The following DNAI4 variants were observed in gnomAD, a reference collection of about 807,000 sequenced individuals.
DNAI4 encodes dynein axonemal intermediate chain 4.
A neutral mutation model predicts 105.8 loss-of-function variants in DNAI4; 85 were observed. That is an observed-to-expected ratio of 0.80 (90% CI 0.67 to 0.96). The LOEUF is 0.96. DNAI4 is among the 40% of genes least tolerant of loss of function. The pLI, the probability that DNAI4 is intolerant of heterozygous loss-of-function variation, is 0.00. For missense variants in DNAI4, 1,014 were observed against 1,005.6 expected, an observed-to-expected ratio of 1.01 and a Z score of -0.11; for synonymous variants, 352 against 331.5, an observed-to-expected ratio of 1.06 and a Z score of -0.67.
At chr1:66,854,076 A>G (rs142247609) in intron 7 of DNAI4, among the ~76,000 whole-genome samples, 3 of 152,322 alleles carry the variant, frequency 2.0e-5, no homozygotes, top group Non-Finnish European at 4.4e-5. Context: ...TACTACCAAT[A>G]AACAGGTGGA....
intron 2 of DNAI4, among the ~76,000 whole-genome samples, chr1:66,894,345 T>C (rs1345137147): frequency 2.0e-5 from 3 of 152,276 alleles, no homozygotes; most frequent in South Asian, 4.1e-4. Context: ...AGGGGGAGAA[T>C]TTCCTATTCA....
At chr1:66,818,333 T>C (rs1339052403) in intron 16 of DNAI4, among the ~76,000 whole-genome samples, 1 of 152,008 alleles carries the variant, frequency 6.6e-6, no homozygotes, top group Non-Finnish European at 1.5e-5. Context: ...TATCTGAGAC[T>C]TGTTTGTCCA....
At chr1:66,913,033 C>T (rs984392994) in intron 1 of DNAI4, among the ~76,000 whole-genome samples, 1 of 152,102 alleles carries the variant, frequency 6.6e-6, no homozygotes, top group Non-Finnish European at 1.5e-5. Flanking sequence ...GCTTCCGTGA[C>T]GATGGAAGGC....
intron 10 of DNAI4, among the ~76,000 whole-genome samples, chr1:66,836,208 G>GAAAGAAAGAAAGAAAGAAAGAA (rs1409438113): frequency 1.7e-4 from 8 of 46,834 alleles, no homozygotes; most frequent in East Asian, 7.8e-4. Flanking sequence ...AAGAAAGAAA[G>GAAAGAAAGAAAGAAAGAAAGAA]AGAGAGAGAG....
chr1:66,907,721 G>T (rs1039217139), intron 1 of DNAI4, among the ~76,000 whole-genome samples: 3 of 152,122 alleles, frequency 2.0e-5, no homozygotes, highest in African/African-American at 7.2e-5. Context: ...ATCCATGAAG[G>T]TAATCCTTCA....
chr1:66,859,675 C>T (rs1282113956), intron 7 of DNAI4, among the ~76,000 whole-genome samples: 4 of 152,018 alleles, frequency 2.6e-5, no homozygotes, highest in South Asian at 2.1e-4. Flanking sequence ...AAGTGCATAT[C>T]GTTTAGTAAA....
chr1:66,836,270 AAGAAAG>A (rs1646013159), intron 10 of DNAI4, among the ~76,000 whole-genome samples: 1 of 69,750 alleles, frequency 1.4e-5, no homozygotes. Context: ...GAAAGAAAGA[AAGAAAG>A]AAAGAAAGAA....
At chr1:66,885,313 ATG>A (rs1647170118) in intron 4 of DNAI4, among the ~76,000 whole-genome samples, 1 of 152,172 alleles carries the variant, frequency 6.6e-6, no homozygotes, top group Non-Finnish European at 1.5e-5. Context: ...TTTCTGACCC[ATG>A]TCATTTTTCT....
rs992745999 is a variant in DNAI4 at position 66,837,573 on chromosome 1, A to G, written c.1581+137T>C. 1.2e-5 allele frequency: 13 copies of G among 1,048,202 alleles called. No homozygotes were observed. In the African/African-American group the frequency reaches 1.8e-4, roughly 14 times the overall value. The allele number at this position is 1,048,202 out of a possible 1,614,324, so 64.9% of individuals were successfully genotyped here. ...TCAACAAGAACAAATTTTAATTGCT[A>G]TGAAGTTAAACCAAAGAAAATAGTC... On this transcript the variant is annotated intron_variant, in intron 10 of 16. Transcript: ENST00000371026.
intron 8 of DNAI4, among the ~76,000 whole-genome samples, chr1:66,842,534 G>C (rs1266575483): frequency 2.0e-5 from 3 of 152,078 alleles, no homozygotes; most frequent in Non-Finnish European, 4.4e-5. Context: ...GGGACTACAG[G>C]CGCCTGCCAC....
chr1:66,871,223 T>C, intron 6 of DNAI4, 147 bp downstream of exon 6: 1 of 579,140 alleles, frequency 1.7e-6, no homozygotes, highest in African/African-American at 1.9e-5. Flanking sequence ...CTGAAAGCTA[T>C]AGAACACAGT....
chr1:66,920,566 T>C (rs951877734), intron 1 of DNAI4, among the ~76,000 whole-genome samples: 1 of 152,090 alleles, frequency 6.6e-6, no homozygotes, highest in Non-Finnish European at 1.5e-5. Context: ...AGTATGTAGT[T>C]TGCTCTTGAA....
intron 1 of DNAI4, among the ~76,000 whole-genome samples, chr1:66,907,807 C>T (rs1649371586): frequency 6.6e-6 from 1 of 152,228 alleles, no homozygotes; most frequent in African/African-American, 2.4e-5. Flanking sequence ...CAGACACTTA[C>T]TCCCATGGTC....
At chr1:66,883,180 CTTTTTTTTT>C (rs755412295) in intron 4 of DNAI4, among the ~76,000 whole-genome samples, 2 of 93,024 alleles carry the variant, frequency 2.1e-5, no homozygotes, top group South Asian at 3.5e-4. Context: ...GTTTTCTTTT[CTTTTTTTTT>C]TTTTTTTTTT....
intron 8 of DNAI4, among the ~76,000 whole-genome samples, chr1:66,845,219 A>T (rs1253677382): frequency 1.4e-4 from 3 of 22,134 alleles, no homozygotes; most frequent in Admixed American, 4.6e-4. Context: ...AGAAAAATTA[A>T]AAAAAAAAAA....
intron 6 of DNAI4, among the ~76,000 whole-genome samples, chr1:66,862,809 A>G (rs1282821455): frequency 6.6e-6 from 1 of 152,182 alleles, no homozygotes; most frequent in Non-Finnish European, 1.5e-5. Flanking sequence ...TCTACAGCAT[A>G]ATCTCATTGG....
Position 66,924,795 on chromosome 1 carries a change from C to A in DNAI4, c.37G>T (p.Ala13Ser). The change falls in exon 1 of 17, where the codon GCC becomes TCC. Residue 13 changes from alanine to serine, a missense_variant. By Grantham distance (99) the Ala-to-Ser change is moderately conservative. Transcript: ENST00000371026. ...TACCCCCAAGCTCCTCCGTTAGCGG[C>A]TCGGGCCGAGGCTCCGGAATGTTTG... ...PGKHSGASARAANGGAWGYRD... is the reference protein window; with the variant it reads ...PGKHSGASARSANGGAWGYRD... The A allele has an allele frequency of 1.2e-6, 2 of 1,614,198 alleles. No homozygotes were observed. Among genetic ancestry groups the A allele is most frequent in the South Asian group, 1.1e-5 (1 of 91,088 alleles).
intron 4 of DNAI4, among the ~76,000 whole-genome samples, chr1:66,888,751 T>C (rs561960445): frequency 1.3e-5 from 2 of 152,130 alleles, no homozygotes; most frequent in Non-Finnish European, 2.9e-5. Flanking sequence ...GTGATATAAA[T>C]ATCTATATTG....
chr1:66,836,516 T>C (rs1228064310), intron 10 of DNAI4, among the ~76,000 whole-genome samples: 1 of 152,222 alleles, frequency 6.6e-6, no homozygotes, highest in Non-Finnish European at 1.5e-5. Flanking sequence ...GCTTGGATTA[T>C]CTAAAGAATG....
Sources: allele counts gnomAD v4.1 joint callset (sites outside exome capture counted in the v4.1 genomes callset), GRCh38; gene constraint gnomAD v4.1.1; transcripts MANE v1.5; gene names NCBI Gene and HGNC (gene_info 2026-07-23, HGNC 2026-07-21).